Variants in PDE3B observed in about 807,000 individuals in gnomAD.
PDE3B encodes cGMP-inhibited 3',5'-cyclic phosphodiesterase 3B.
A neutral mutation model predicts 116.8 loss-of-function variants in PDE3B; 66 were observed. That is an observed-to-expected ratio of 0.56 (90% CI 0.46 to 0.69). The LOEUF (loss-of-function observed/expected upper bound fraction) is 0.69, where lower values mean the gene tolerates loss of function less well. Among genes scored for constraint, PDE3B ranks in the 30% least tolerant of loss-of-function variants. The pLI, the probability that PDE3B is intolerant of heterozygous loss-of-function variation, is 0.00. For missense variants in PDE3B, 1,384 were observed against 1,368.1 expected (o/e 1.01, Z -0.18); for synonymous variants, 595 against 533.6 (o/e 1.12, Z -1.59).
chr11:14,822,060 G>T (rs560921688), intron 7 of PDE3B, among the ~76,000 whole-genome samples: 18 of 151,750 alleles, frequency 1.2e-4, no homozygotes, highest in Admixed American at 1.2e-3. Context: ...CACCATGCCC[G>T]GCTAATTAAA....
downstream of PDE3B, among the ~76,000 whole-genome samples, chr11:14,873,772 CTG>C (rs1848166204): frequency 2.6e-5 from 4 of 152,224 alleles, no homozygotes; most frequent in South Asian, 4.1e-4. Flanking sequence ...TTCTCAAAAA[CTG>C]TGTGTCATAG....
At chr11:14,658,290 A>G in intron 1 of PDE3B, among the ~76,000 whole-genome samples, 1 of 152,230 alleles carries the variant, frequency 6.6e-6, no homozygotes, top group East Asian at 1.9e-4. Flanking sequence ...TCTCAACACG[A>G]TAATAGAAAA....
chr11:14,890,808 A>C, the PDE3B span: 1 of 951,114 alleles, frequency 1.1e-6, no homozygotes, highest in African/African-American at 1.8e-5. Context: ...TCGGCCTCCT[A>C]AAGTGCTGGG....
In PDE3B at chr11:14,730,469, A is replaced by C. The variant is rs566696083; in HGVS notation, c.979-41468A>C. Among the ~76,000 whole-genome samples the C allele has an allele frequency of 2.0e-4, 31 of 152,274 alleles. No homozygotes were observed. In the South Asian group the frequency reaches 6.2e-3, roughly 31 times the overall value. ...GTTCTTTCCATTTCATTCTTTTATA[A>C]ATTCTTTTAACATTATTGTTGCATA... On this transcript the variant is annotated intron_variant, in intron 1 of 15. Transcript: ENST00000282096.
intron 11 of PDE3B, among the ~76,000 whole-genome samples, chr11:14,837,584 A>G (rs1652572689): frequency 6.6e-6 from 1 of 152,194 alleles, no homozygotes; most frequent in Middle Eastern, 3.2e-3. Flanking sequence ...ATTCATTGGC[A>G]ATGACCTTAA....
chr11:14,759,548 G>GTTTTT (rs1212052756), intron 1 of PDE3B, among the ~76,000 whole-genome samples: 1 of 129,168 alleles, frequency 7.7e-6, no homozygotes. Context: ...ATCAGAAGTA[G>GTTTTT]TTTTTTTTTT....
chr11:14,836,560 C>T (rs1190983630), intron 11 of PDE3B, among the ~76,000 whole-genome samples: 1 of 152,170 alleles, frequency 6.6e-6, no homozygotes, highest in Admixed American at 6.5e-5. Context: ...ACATCAGTAC[C>T]TCACTTCTAG....
At chr11:14,732,576 T>A (rs1565113077) in intron 1 of PDE3B, among the ~76,000 whole-genome samples, 1 of 152,186 alleles carries the variant, frequency 6.6e-6, no homozygotes, top group Non-Finnish European at 1.5e-5. Flanking sequence ...AAAATAGAAG[T>A]GTTCAAGATA....
intron 1 of PDE3B, among the ~76,000 whole-genome samples, chr11:14,767,463 A>G (rs1253231166): frequency 6.6e-6 from 1 of 151,490 alleles, no homozygotes; most frequent in Non-Finnish European, 1.5e-5. Context: ...CGAGCTATTT[A>G]TGTTACCCTA....
At chr11:14,765,230 C>T (rs1857466908) in intron 1 of PDE3B, among the ~76,000 whole-genome samples, 1 of 151,884 alleles carries the variant, frequency 6.6e-6, no homozygotes, top group Admixed American at 6.6e-5. Context: ...AATAAGTATT[C>T]TTTTTAAATT....
chr11:14,673,895 C>G (rs1426255558), intron 1 of PDE3B: 2 of 1,438,284 alleles, frequency 1.4e-6, no homozygotes, highest in African/African-American at 1.4e-5. Flanking sequence ...ATTCTTTTAT[C>G]CCTGCCACAA....
chr11:14,899,239 T>C, the PDE3B span, among the ~76,000 whole-genome samples: 1 of 152,206 alleles, frequency 6.6e-6, no homozygotes, highest in South Asian at 2.1e-4. Context: ...CTAAGTCTTA[T>C]CTTCAGGAAG....
chr11:14,662,797 A>G (rs1017507445), intron 1 of PDE3B, among the ~76,000 whole-genome samples: 2 of 152,242 alleles, frequency 1.3e-5, no homozygotes, highest in Non-Finnish European at 2.9e-5. Flanking sequence ...TCCAAGAAAT[A>G]TGGGACTATG....
chr11:14,892,758 T>C, the PDE3B span, among the ~76,000 whole-genome samples: 3 of 152,238 alleles, frequency 2.0e-5, no homozygotes, highest in African/African-American at 7.2e-5. Flanking sequence ...TGTTAATGTA[T>C]TTTTGTGTGT....
chr11:14,663,126 A>G (rs1420494417), intron 1 of PDE3B, among the ~76,000 whole-genome samples: 1 of 152,216 alleles, frequency 6.6e-6, no homozygotes, highest in Non-Finnish European at 1.5e-5. Flanking sequence ...GAAACTCTAC[A>G]AGCCAGAAGA....
the PDE3B span, chr11:14,879,347 T>C: frequency 6.2e-7 from 1 of 1,612,494 alleles, no homozygotes; most frequent in Non-Finnish European, 8.5e-7. Flanking sequence ...TAAAACTTCA[T>C]GCAAAACTGC....
At position 14,644,004 on chromosome 11, in the gene PDE3B, T is replaced by G; in HGVS notation, c.-72T>G. 1 of 1,372,908 alleles carries G rather than the reference T, an allele frequency of 7.3e-7. No homozygotes were observed. The highest frequency in any genetic ancestry group is 3.7e-5 in the Admixed American group (1 of 27,270). 85.0% of individuals were successfully genotyped at this position (1,372,908 alleles called of 1,614,324 possible). On this transcript the variant is annotated 5_prime_UTR_variant, in exon 1 of 16. Coordinates refer to ENST00000282096, the MANE Select transcript of PDE3B (RefSeq NM_000922.4). The stretch of plus-strand genomic sequence containing the variant: ...GGCGCCCCGAACGCGGGGGTTGGGG[T>G]CTGGGAGCGCGAGCGGCCGCTACGG...
At chr11:14,690,665 GC>G (rs1855019910) in intron 1 of PDE3B, among the ~76,000 whole-genome samples, 1 of 150,612 alleles carries the variant, frequency 6.6e-6, no homozygotes, top group Non-Finnish European at 1.5e-5. Context: ...GAAGGTTCAG[GC>G]CCAACAATAC....
chr11:14,753,130 CTGTTA>C (rs1477204682), intron 1 of PDE3B, among the ~76,000 whole-genome samples: 1 of 152,008 alleles, frequency 6.6e-6, no homozygotes, highest in Admixed American at 6.6e-5. Flanking sequence ...GAAAAATTAA[CTGTTA>C]ATGTAAGTGA....
Sources: gnomAD v4.1 joint callset for allele counts (sites outside exome capture counted in the v4.1 genomes callset) on GRCh38, gnomAD v4.1.1 for gene constraint, MANE v1.5 for transcripts, NCBI Gene and HGNC (gene_info 2026-07-23, HGNC 2026-07-21) for gene names.